SAMD5: variants seen among roughly 807,000 people sequenced by gnomAD.
SAMD5 encodes sterile alpha motif domain-containing protein 5.
In SAMD5, 13 loss-of-function variants were observed where a neutral mutation model predicts 11.3. That is an observed-to-expected ratio of 1.15 (90% CI 0.75 to 1.83). SAMD5 has a LOEUF of 1.83. Ranked by LOEUF, SAMD5 falls within the 40% of genes most tolerant of loss-of-function variation. The probability of loss-of-function intolerance (pLI) is 0.00; values close to 1 mark genes in which losing one functional copy is unlikely to be tolerated. For synonymous variants in SAMD5, 129 were observed against 111.3 expected (o/e 1.16, Z -1.00); for missense variants, 255 against 239.1 (o/e 1.07, Z -0.44).
chr6:147,788,837 A>C, the SAMD5 span, among the ~76,000 whole-genome samples: 1 of 152,172 alleles, frequency 6.6e-6, no homozygotes, highest in Admixed American at 6.5e-5. Context: ...TAATCCCAGC[A>C]CTTTGGGAGG....
Position 147,564,566 on chromosome 6 carries a change from C to T in SAMD5, c.*110C>T, listed in dbSNP as rs1789006824. The T allele has an allele frequency of 3.4e-6, 4 of 1,186,218 alleles. No individual in the cohort carries two copies. The highest frequency in any genetic ancestry group is 4.8e-6 in the Non-Finnish European group (4 of 829,682). The allele number at this position is 1,186,218 out of a possible 1,614,324, so 73.5% of individuals were successfully genotyped here. ...GAAATGGATGATGACCCTGGAAATACTCATCAGCTTAACTTTTTGCTTGGA... is the reference window on the plus strand; with the variant it reads ...GAAATGGATGATGACCCTGGAAATATTCATCAGCTTAACTTTTTGCTTGGA... On this transcript the variant is annotated 3_prime_UTR_variant, in exon 2 of 2. Coordinates refer to ENST00000367474, the MANE Select transcript of SAMD5 (RefSeq NM_001030060.3).
intron 1 of SAMD5, among the ~76,000 whole-genome samples, chr6:147,543,109 C>T (rs1223511567): frequency 3.9e-5 from 6 of 152,102 alleles, no homozygotes; most frequent in African/African-American, 9.7e-5. Context: ...ATTCTAACCC[C>T]GCTCCCCTAT....
At chr6:147,530,250 C>G (rs1788408096) in intron 1 of SAMD5, among the ~76,000 whole-genome samples, 1 of 152,200 alleles carries the variant, frequency 6.6e-6, no homozygotes, top group African/African-American at 2.4e-5. Flanking sequence ...GTGTTGTGGA[C>G]AGGAAACACA....
chr6:147,519,084 A>G (rs1272484326), intron 1 of SAMD5, among the ~76,000 whole-genome samples: 4 of 152,240 alleles, frequency 2.6e-5, no homozygotes, highest in Non-Finnish European at 5.9e-5. Flanking sequence ...TAAAAATGCA[A>G]ACAAAGTAAG....
chr6:147,595,982 G>A (rs1021443105), intron 1 of SAMD5, among the ~76,000 whole-genome samples: 10 of 152,202 alleles, frequency 6.6e-5, no homozygotes, highest in African/African-American at 1.7e-4. Flanking sequence ...TAGACTTTTA[G>A]CAGCATAGAT....
the SAMD5 span, among the ~76,000 whole-genome samples, chr6:147,781,772 G>GCGCGCACA: frequency 1.4e-5 from 2 of 146,270 alleles, no homozygotes; most frequent in African/African-American, 5.0e-5. Flanking sequence ...ATTTGTGTGC[G>GCGCGCACA]CACACACACA....
the SAMD5 span, among the ~76,000 whole-genome samples, chr6:147,746,711 A>C: frequency 6.6e-6 from 1 of 152,210 alleles, no homozygotes; most frequent in African/African-American, 2.4e-5. Flanking sequence ...TAAGGAACCA[A>C]AAGTGGGCAG....
At chr6:147,576,830 G>A (rs1363731046) in intron 1 of SAMD5, among the ~76,000 whole-genome samples, 1 of 152,200 alleles carries the variant, frequency 6.6e-6, no homozygotes, top group Non-Finnish European at 1.5e-5. Flanking sequence ...CATATTTGGT[G>A]ACTGAAATGG....
At chr6:147,648,735 C>T (rs1790440134) in intron 1 of SAMD5, among the ~76,000 whole-genome samples, 1 of 152,164 alleles carries the variant, frequency 6.6e-6, no homozygotes, top group African/African-American at 2.4e-5. Context: ...GCTGCATCTG[C>T]AAGTCATCAA....
chr6:147,834,901 A>G, the SAMD5 span, among the ~76,000 whole-genome samples: 6 of 152,154 alleles, frequency 3.9e-5, no homozygotes, highest in Admixed American at 3.9e-4. Flanking sequence ...ATTAAATGTA[A>G]ATAGTACTAT....
chr6:147,708,352 C>G (rs1185783934), intron 1 of SAMD5, among the ~76,000 whole-genome samples: 2 of 152,206 alleles, frequency 1.3e-5, no homozygotes, highest in Non-Finnish European at 2.9e-5. Flanking sequence ...AGGGACCAAC[C>G]CTGTTGACAC....
In SAMD5 at chr6:147,657,658, T is replaced by C. The variant is rs188927887; in HGVS notation, c.163-79659T>C. 4.2e-3 allele frequency among the ~76,000 whole-genome samples: 633 copies of C among 152,276 alleles called. 1 individual carries two copies. Among genetic ancestry groups the C allele is most frequent in the Non-Finnish European group, 7.5e-3 (512 of 68,026 alleles). On this transcript the variant is annotated intron_variant, in intron 1 of 1. Transcript: ENST00000566741. ...GTTCTGGAGGCTCGGAAGTCCAGGA[T>C]CAAGCCATTGGCAGATTCGGTGTCC...
At chr6:147,903,397 T>G in the SAMD5 span, among the ~76,000 whole-genome samples, 1 of 152,214 alleles carries the variant, frequency 6.6e-6, no homozygotes, top group African/African-American at 2.4e-5. Flanking sequence ...ATCTTCTGAT[T>G]GTAACACTAG....
At chr6:147,560,134 C>T (rs906445291) in intron 1 of SAMD5, among the ~76,000 whole-genome samples, 11 of 152,290 alleles carry the variant, frequency 7.2e-5, no homozygotes, top group African/African-American at 2.2e-4. Context: ...GCTGACATTA[C>T]ATATAATGCT....
In SAMD5 at chr6:147,564,867, A is replaced by C; in HGVS notation, c.*411A>C. On this transcript the variant is annotated 3_prime_UTR_variant, in exon 2 of 2. Transcript: ENST00000367474. ...TAAGTAGTAATTATATTATTTCCAA[A>C]TTTGCTTTTAACTTGAGAACAGTAG... is the stretch of plus-strand genomic sequence containing the variant. 1 of 932,024 alleles carries C rather than the reference A, an allele frequency of 1.1e-6. No homozygotes were observed. 57.7% of individuals were successfully genotyped at this position (932,024 alleles called of 1,614,324 possible).
chr6:147,803,999 T>C, the SAMD5 span, among the ~76,000 whole-genome samples: 1 of 152,212 alleles, frequency 6.6e-6, no homozygotes, highest in Non-Finnish European at 1.5e-5. Flanking sequence ...TGCCACTACC[T>C]TGGGAAAGCT....
intron 1 of SAMD5, among the ~76,000 whole-genome samples, chr6:147,618,885 C>T (rs1474894292): frequency 6.6e-6 from 1 of 152,232 alleles, no homozygotes; most frequent in Non-Finnish European, 1.5e-5. Flanking sequence ...GTTTTGTCAA[C>T]ATTTCTAAGT....
intron 1 of SAMD5, among the ~76,000 whole-genome samples, chr6:147,699,744 G>A (rs1791226213): frequency 6.6e-6 from 1 of 152,120 alleles, no homozygotes; most frequent in African/African-American, 2.4e-5. Flanking sequence ...TTATTAACCA[G>A]CGAGTTGTAA....
chr6:147,626,952 C>T (rs1332961716), intron 1 of SAMD5, among the ~76,000 whole-genome samples: 2 of 152,124 alleles, frequency 1.3e-5, no homozygotes, highest in Non-Finnish European at 1.5e-5. Flanking sequence ...TCTTCTTCCT[C>T]CTCTTCTTTC....
Sources: gnomAD v4.1 joint callset for allele counts (sites outside exome capture counted in the v4.1 genomes callset) on GRCh38, gnomAD v4.1.1 for gene constraint, MANE v1.5 for transcripts, NCBI Gene and HGNC (gene_info 2026-07-23, HGNC 2026-07-21) for gene names.